Variants in IGSF5 observed in about 807,000 individuals in gnomAD.
The protein encoded by IGSF5 is immunoglobulin superfamily member 5, also known as immunoglobulin superfamily 5 like.
In IGSF5, 41 loss-of-function variants were observed where a neutral mutation model predicts 39.4. That is an observed-to-expected ratio of 1.04 (90% CI 0.81 to 1.35). The LOEUF (loss-of-function observed/expected upper bound fraction) is 1.35. Ranked by LOEUF, IGSF5 falls within the 40% of genes most tolerant of loss-of-function variation. IGSF5 has a pLI of 0.00. For missense variants in IGSF5, 487 were observed against 494.6 expected, an observed-to-expected ratio of 0.98 and a Z score of 0.15; for synonymous variants, 183 against 175.3, an observed-to-expected ratio of 1.04 and a Z score of -0.34.
chr21:39,741,265 G>A (rs1255257959), upstream of IGSF5, among the ~76,000 whole-genome samples: 1 of 152,130 alleles, frequency 6.6e-6, no homozygotes, highest in Non-Finnish European at 1.5e-5. Flanking sequence ...TCCTTAATTA[G>A]CGTATATAAC....
chr21:39,791,808 C>T (rs2086966920), intron 6 of IGSF5, 200 bp from the exon 7 acceptor site: 2 of 518,074 alleles, frequency 3.9e-6, no homozygotes, highest in Non-Finnish European at 7.0e-6. Context: ...TTTCATCTCT[C>T]CCCATAATGG....
At chr21:39,736,414 G>A in the IGSF5 span, among the ~76,000 whole-genome samples, 37 of 151,904 alleles carry the variant, frequency 2.4e-4, no homozygotes, top group Non-Finnish European at 3.5e-4. Context: ...TTGAAATAAT[G>A]CAAATCTCCC....
At chr21:39,731,397 G>T in the IGSF5 span, among the ~76,000 whole-genome samples, 1 of 152,214 alleles carries the variant, frequency 6.6e-6, no homozygotes, top group Non-Finnish European at 1.5e-5. Flanking sequence ...TCCTGAGGAT[G>T]CATGTCCTTC....
At chr21:39,773,478 CT>C (rs1555943411) in intron 4 of IGSF5, among the ~76,000 whole-genome samples, 2 of 143,856 alleles carry the variant, frequency 1.4e-5, no homozygotes, top group Non-Finnish European at 3.0e-5. Flanking sequence ...TCTTCCTTTT[CT>C]TTTTTTTTCC....
At chr21:39,745,976 C>T (rs563786599) in intron 1 of IGSF5, among the ~76,000 whole-genome samples, 6 of 152,258 alleles carry the variant, frequency 3.9e-5, no homozygotes, top group East Asian at 1.9e-4. Context: ...TCCAAGATGG[C>T]GGCAAGCCTC....
At chr21:39,780,384 T>C (rs1414248246) in intron 5 of IGSF5, among the ~76,000 whole-genome samples, 1 of 152,172 alleles carries the variant, frequency 6.6e-6, no homozygotes, top group Non-Finnish European at 1.5e-5. Flanking sequence ...GAAAAAGTGA[T>C]TGAAGCAGTG....
In IGSF5 at chr21:39,753,654, C is replaced by A. The variant is rs2080016309; in HGVS notation, c.100+7356C>A. Among the ~76,000 whole-genome samples, 3 of 152,070 alleles carry A rather than the reference C, an allele frequency of 2.0e-5. No individual in the cohort carries two copies. In the South Asian group the frequency reaches 6.2e-4, roughly 32 times the overall value. The stretch of plus-strand genomic sequence containing the variant: ...AGTAATTGTTTTTAAAATCTGGGTG[C>A]TCCATTGTTAGGTGCATATAAATTT... On this transcript the variant is annotated intron_variant, in intron 2 of 8. Coordinates refer to ENST00000380588, the MANE Select transcript of IGSF5 (RefSeq NM_001080444.2).
chr21:39,723,086 T>C, the IGSF5 span, among the ~76,000 whole-genome samples: 1 of 152,206 alleles, frequency 6.6e-6, no homozygotes, highest in Non-Finnish European at 1.5e-5. Flanking sequence ...GTTTATTAGG[T>C]GTGAGTCAGG....
chr21:39,762,156 ATGTTG>A (rs2080064626), intron 2 of IGSF5, among the ~76,000 whole-genome samples: 1 of 152,152 alleles, frequency 6.6e-6, no homozygotes, highest in Non-Finnish European at 1.5e-5. Context: ...AGAGGCCAGG[ATGTTG>A]TGTTGGGTGA....
chr21:39,772,188 A>T (rs2080118629), intron 4 of IGSF5, among the ~76,000 whole-genome samples: 11 of 152,204 alleles, frequency 7.2e-5, no homozygotes, highest in Admixed American at 7.2e-4. Flanking sequence ...CTACAGCCGT[A>T]TGAGTGTTGC....
At chr21:39,760,445 A>G (rs1275613848) in intron 2 of IGSF5, among the ~76,000 whole-genome samples, 2 of 152,218 alleles carry the variant, frequency 1.3e-5, no homozygotes, top group African/African-American at 4.8e-5. Flanking sequence ...CAGGCCGGTC[A>G]CTGCACATGT....
intron 3 of IGSF5, among the ~76,000 whole-genome samples, 178 bp from the exon 4 acceptor site, chr21:39,770,738 A>G (rs188891275): frequency 3.4e-4 from 52 of 152,208 alleles, no homozygotes; most frequent in Non-Finnish European, 6.5e-4. Context: ...AAAAAGACCC[A>G]GATAAAATCT....
At chr21:39,739,238 C>A in the IGSF5 span, among the ~76,000 whole-genome samples, 4 of 149,634 alleles carry the variant, frequency 2.7e-5, no homozygotes, top group Middle Eastern at 3.2e-3. Flanking sequence ...CCCTCTTTTT[C>A]TTTTTTTCTT....
chr21:39,756,809 GC>G (rs1281313195), intron 2 of IGSF5, among the ~76,000 whole-genome samples: 2 of 151,890 alleles, frequency 1.3e-5, no homozygotes, highest in African/African-American at 4.8e-5. Context: ...AGAGAAAAAA[GC>G]AAAAAGGAAA....
At chr21:39,788,943 T>G (rs2086942814) in intron 6 of IGSF5, among the ~76,000 whole-genome samples, 2 of 152,206 alleles carry the variant, frequency 1.3e-5, no homozygotes, top group Non-Finnish European at 2.9e-5. Flanking sequence ...GGCTACATTC[T>G]GTGAATGAAT....
At chr21:39,748,140 A>T (rs1039530399) in intron 2 of IGSF5, among the ~76,000 whole-genome samples, 2 of 152,046 alleles carry the variant, frequency 1.3e-5, no homozygotes, top group Non-Finnish European at 2.9e-5. Flanking sequence ...AATAGCAGAC[A>T]TTCATTTCTC....
chr21:39,772,073 A>C (rs1443283188), intron 4 of IGSF5, among the ~76,000 whole-genome samples: 1 of 152,214 alleles, frequency 6.6e-6, no homozygotes, highest in Non-Finnish European at 1.5e-5. Flanking sequence ...CCATAGCCAA[A>C]GCCAAATAAT....
chr21:39,712,190 A>G, the IGSF5 span, among the ~76,000 whole-genome samples: 1 of 152,152 alleles, frequency 6.6e-6, no homozygotes, highest in Non-Finnish European at 1.5e-5. Flanking sequence ...TCCTTGCAGG[A>G]GATTATCTCC....
At chr21:39,780,499 T>A (rs1281742011) in intron 5 of IGSF5, among the ~76,000 whole-genome samples, 5 of 152,226 alleles carry the variant, frequency 3.3e-5, no homozygotes, top group Non-Finnish European at 5.9e-5. Flanking sequence ...GAATCATATC[T>A]ACATATCTGA....
Sources: allele counts gnomAD v4.1 joint callset (sites outside exome capture counted in the v4.1 genomes callset), GRCh38; gene constraint gnomAD v4.1.1; transcripts MANE v1.5; gene names NCBI Gene and HGNC (gene_info 2026-07-23, HGNC 2026-07-21).